Variants in SCARB1 observed in about 807,000 individuals in gnomAD.
SCARB1 encodes the protein CD36 and LIMPII analogous 1.
Under a neutral mutation model 57.2 loss-of-function variants are expected in SCARB1, and 30 were observed. The observed-to-expected ratio is 0.52, with a 90% CI of 0.39 to 0.71. The LOEUF is 0.71. Among genes scored for constraint, SCARB1 ranks in the 30% least tolerant of loss-of-function variants. SCARB1 has a pLI of 0.00. For synonymous variants in SCARB1, 249 were observed against 268.3 expected (o/e 0.93, Z 0.70); for missense variants, 543 against 671.2 (o/e 0.81, Z 2.11).
At chr12:124,841,780 T>C (rs1951919632) in intron 1 of SCARB1, among the ~76,000 whole-genome samples, 1 of 151,628 alleles carries the variant, frequency 6.6e-6, no homozygotes, top group African/African-American at 2.4e-5. Context: ...TCAGAAGGAG[T>C]CCCCTTCCCA....
rs146238753 is a variant in SCARB1 at position 124,861,336 on chromosome 12, G to C, written c.126+2259C>G. Among the ~76,000 whole-genome samples the C allele has an allele frequency of 4.3e-3, 657 of 152,144 alleles. 6 individuals carry two copies. Among genetic ancestry groups the C allele is most frequent in the African/African-American group, 0.015 (615 of 41,500 alleles). On this transcript the variant is annotated intron_variant, in intron 1 of 12. Transcript: ENST00000261693. Reference sequence around the variant, plus strand: ...AGTTGTTATACAGTATTGTTTTTATGTCTTTTTTTAGTTGTATTGTTATTT... The same window carrying C: ...AGTTGTTATACAGTATTGTTTTTATCTCTTTTTTTAGTTGTATTGTTATTT...
At chr12:124,786,254 G>A (rs750654152) in intron 11 of SCARB1, 103 bp downstream of exon 11, 59 of 1,599,660 alleles carry the variant, frequency 3.7e-5, no homozygotes, top group Non-Finnish European at 4.6e-5. Flanking sequence ...GCTGGAGGTG[G>A]GCTCCAGGCT....
Position 124,832,519 on chromosome 12 carries a change from CA to C in SCARB1, c.127-14813del, listed in dbSNP as rs59808483. ...TGGGCGACAGAGTGAGACTTGGTCT[CA>C]AAAAAAAAAAAACTGTTCTAAAACA... On this transcript the variant is annotated intron_variant, in intron 1 of 12. Coordinates refer to ENST00000261693, the MANE Select transcript of SCARB1 (RefSeq NM_005505.5). 5.5e-4 allele frequency among the ~76,000 whole-genome samples: 80 copies of C among 144,362 alleles called. 1 individual carries two copies. The highest frequency in any genetic ancestry group is 2.4e-3 in the East Asian group (12 of 5,004). The allele number at this position is 144,362 out of a possible 152,430, so 94.7% of individuals were successfully genotyped here. A position where few individuals can be genotyped will look rare whatever the true frequency, so the allele number is the denominator to read the frequency against.
chr12:124,800,102 A>T lies in SCARB1; in HGVS notation c.1128+22T>A. Reference sequence around the variant, plus strand: ...TCCAACCAGGAATCACCCACCCCCCACAGAGGATGGCAGGGGCTCACCGGG... The same window carrying T: ...TCCAACCAGGAATCACCCACCCCCCTCAGAGGATGGCAGGGGCTCACCGGG... On this transcript the variant is annotated intron_variant, in intron 8 of 12. Coordinates refer to ENST00000261693, the MANE Select transcript of SCARB1 (RefSeq NM_005505.5). This position sits in a 1 kb window ranked among gnomAD's most constrained non-coding sequence, Gnocchi z 4.8. 6.4e-7 allele frequency: 1 copy of T among 1,565,148 alleles called. No homozygotes were observed. Among genetic ancestry groups the T allele is most frequent in the South Asian group, 1.1e-5 (1 of 90,062 alleles).
At chr12:124,799,415 C>T (rs776531572) in intron 8 of SCARB1, among the ~76,000 whole-genome samples, 8 of 151,964 alleles carry the variant, frequency 5.3e-5, no homozygotes, top group Non-Finnish European at 8.8e-5. Context: ...GTCCTGGCTA[C>T]TTAGGGAGGC....
rs79092910 is a variant in SCARB1, at chr12:124,777,303, G to A, written c.*1284C>T. 13 of 152,272 alleles carry A rather than the reference G, an allele frequency of 8.5e-5. No homozygotes were observed. The East Asian group carries it at 2.5e-3, about 29-fold the overall frequency. 9.4% of individuals were successfully genotyped at this position (152,272 alleles called of 1,614,324 possible). ...ACGGGGCATGTCCTATGGGCACCAG[G>A]ATTTGTAGATAAATGCACAGAAACA... On this transcript the variant is annotated 3_prime_UTR_variant, in exon 13 of 13. Transcript: ENST00000261693.
At chr12:124,856,836 G>A (rs1442961209) in intron 1 of SCARB1, among the ~76,000 whole-genome samples, 5 of 152,222 alleles carry the variant, frequency 3.3e-5, no homozygotes, top group Admixed American at 6.5e-5. Flanking sequence ...TGGGAGCCCT[G>A]GGCTAGGAAC....
At chr12:124,851,985 A>G (rs1343790037) in intron 1 of SCARB1, among the ~76,000 whole-genome samples, 1 of 152,132 alleles carries the variant, frequency 6.6e-6, no homozygotes, top group Admixed American at 6.6e-5. Context: ...TTAAATGCTC[A>G]GGGAGAGAAA....
At chr12:124,840,185 ATT>A (rs61308172) in intron 1 of SCARB1, among the ~76,000 whole-genome samples, 1 of 143,530 alleles carries the variant, frequency 7.0e-6, no homozygotes, top group African/African-American at 2.6e-5. Context: ...GGCTATCTGC[ATT>A]TTTTTTTTTT....
At position 124,778,697 on chromosome 12, in the gene SCARB1, C is replaced by T. The variant is rs562733996; in HGVS notation, c.*1-111G>A. ...ACATCCCCAGCAGAGACTCCACCCC[C>T]GCCACCAGGCTGTCAGAAGTGAGAA... On this transcript the variant is annotated intron_variant, in intron 12 of 12. Transcript: ENST00000261693. The T allele has an allele frequency of 2.7e-3, 2,949 of 1,106,836 alleles. 7 individuals carry two copies. The highest frequency in any genetic ancestry group is 2.8e-3 in the Non-Finnish European group (2,403 of 849,390). 68.6% of individuals were successfully genotyped at this position (1,106,836 alleles called of 1,614,324 possible).
In SCARB1 at chr12:124,807,567, A is replaced by G. The variant is rs569659288; in HGVS notation, c.1009+194T>C. Among the ~76,000 whole-genome samples, 11 of 152,356 alleles carry G rather than the reference A, an allele frequency of 7.2e-5. No individual in the cohort carries two copies. The highest frequency in any genetic ancestry group is 2.6e-4 in the African/African-American group (11 of 41,588). ...TAAGCCCTGAAGTTCATGGCAATAT[A>G]TTGTGACAGCAACTAATAGACCTGG... On this transcript the variant is annotated intron_variant, in intron 7 of 12. Coordinates refer to ENST00000261693, the MANE Select transcript of SCARB1 (RefSeq NM_005505.5). This position sits in a 1 kb window ranked among gnomAD's most constrained non-coding sequence, Gnocchi z 5.3.
chr12:124,830,248 G>A (rs1951332910), intron 1 of SCARB1, among the ~76,000 whole-genome samples: 1 of 152,212 alleles, frequency 6.6e-6, no homozygotes, highest in African/African-American at 2.4e-5. Flanking sequence ...CATTGCTGGT[G>A]GAAGTGCATT....
At chr12:124,823,917 C>T (rs1393769250) in intron 1 of SCARB1, among the ~76,000 whole-genome samples, 1 of 151,978 alleles carries the variant, frequency 6.6e-6, no homozygotes, top group African/African-American at 2.4e-5. Flanking sequence ...GTAATCCCAG[C>T]ACTTTGGGAG....
At chr12:124,862,146 C>T (rs991043534) in intron 1 of SCARB1, among the ~76,000 whole-genome samples, 3 of 152,126 alleles carry the variant, frequency 2.0e-5, no homozygotes, top group Non-Finnish European at 4.4e-5. Context: ...CTGACACACA[C>T]GTTTCAGTAT....
At position 124,786,537 on chromosome 12, in the gene SCARB1, G is replaced by A. The variant is rs890578130; in HGVS notation, c.1255-34C>T. 12 of 1,612,696 alleles carry A rather than the reference G, an allele frequency of 7.4e-6. No homozygotes were observed. The African/African-American group carries it at 1.5e-4, about 20-fold the overall frequency. The stretch of plus-strand genomic sequence containing the variant: ...ACAGAATGACAAACACATGAGCTGG[G>A]GCCGCAGGCTGCGGGCTACAGCGCA... On this transcript the variant is annotated intron_variant, in intron 10 of 12. Coordinates refer to ENST00000261693, the MANE Select transcript of SCARB1 (RefSeq NM_005505.5).
intron 1 of SCARB1, among the ~76,000 whole-genome samples, chr12:124,861,708 G>C (rs534220393): frequency 6.6e-6 from 1 of 152,138 alleles, no homozygotes; most frequent in Non-Finnish European, 1.5e-5. Flanking sequence ...CACACCACTC[G>C]GCCCCAAACC....
At chr12:124,852,075 C>T (rs61941687) in intron 1 of SCARB1, among the ~76,000 whole-genome samples, 30,488 of 152,056 alleles carry the variant, frequency 0.2, 3,388 homozygotes, top group Non-Finnish European at 0.26. Flanking sequence ...CTCCTGGAGG[C>T]AGGAGGTGGC....
Position 124,792,914 on chromosome 12 carries a change from G to A in SCARB1, c.1202+2281C>T, listed in dbSNP as rs75774662. 2.6e-3 allele frequency among the ~76,000 whole-genome samples: 73 copies of A among 28,148 alleles called. No individual in the cohort carries two copies. In the East Asian group the frequency reaches 0.048, roughly 19 times the overall value. The allele number at this position is 28,148 out of a possible 152,430, so 18.5% of individuals were successfully genotyped here. The stretch of plus-strand genomic sequence containing the variant: ...GGGGCTGTATCCTCGGCCCCAGGTC[G>A]CCTCTTCTATCTGGTCACCCACTTG... On this transcript the variant is annotated intron_variant, in intron 9 of 12. Coordinates refer to ENST00000261693, the MANE Select transcript of SCARB1 (RefSeq NM_005505.5).
chr12:124,857,913 C>A (rs1269947048), intron 1 of SCARB1, among the ~76,000 whole-genome samples: 1 of 152,160 alleles, frequency 6.6e-6, no homozygotes, highest in Non-Finnish European at 1.5e-5. Flanking sequence ...GGAAGATGAC[C>A]CCTTCCCTGC....
Sources: allele counts gnomAD v4.1 joint callset (sites outside exome capture counted in the v4.1 genomes callset), GRCh38; gene constraint gnomAD v4.1.1; non-coding constraint Gnocchi (gnomAD v3.1); transcripts MANE v1.5; gene names NCBI Gene and HGNC (gene_info 2026-07-23, HGNC 2026-07-21).